PALB2: variants seen among roughly 807,000 people sequenced by gnomAD.
The protein encoded by PALB2 is mutant partner and localizer of BRCA2.
Under a neutral mutation model 107.4 loss-of-function variants are expected in PALB2, and 82 were observed. The ratio of observed to expected loss-of-function variants is 0.76; its 90% CI spans 0.64 to 0.92. The LOEUF (loss-of-function observed/expected upper bound fraction) is 0.92, where lower values mean the gene tolerates loss of function less well. Among genes scored for constraint, PALB2 ranks in the 40% least tolerant of loss-of-function variants. PALB2 has a pLI of 0.00. For synonymous variants in PALB2, 489 were observed against 496.8 expected (o/e 0.98, Z 0.21); for missense variants, 1,374 against 1,379.9 (o/e 1.00, Z 0.07).
chr16:23,625,863 C>G (rs1175117531), intron 7 of PALB2, among the ~76,000 whole-genome samples: 1 of 151,692 alleles, frequency 6.6e-6, no homozygotes, highest in African/African-American at 2.4e-5. Context: ...TGCCTGTGGT[C>G]CCAGCTACTT....
At chr16:23,619,791 T>A (rs1026881510) in intron 10 of PALB2, among the ~76,000 whole-genome samples, 14 of 152,014 alleles carry the variant, frequency 9.2e-5, no homozygotes, top group East Asian at 3.9e-4. Flanking sequence ...AATTATTATT[T>A]TTTTTTGAGA....
At chr16:23,623,793 A>G (rs533128370) in intron 8 of PALB2, 90 of 530,180 alleles carry the variant, frequency 1.7e-4, no homozygotes, top group Non-Finnish European at 2.9e-4. Flanking sequence ...TGCTGGGATT[A>G]CAGGCGTGAG....
intron 1 of PALB2, chr16:23,638,483 C>T (rs1967122011): frequency 4.3e-6 from 2 of 462,476 alleles, no homozygotes; most frequent in Admixed American, 4.9e-5. Flanking sequence ...ACTATGTTCT[C>T]TGTTTCTCCC....
rs587780817 is a variant in PALB2, at chr16:23,635,358, G to C, written c.1188C>G (p.Cys396Trp). The C allele has an allele frequency of 6.2e-7, 1 of 1,613,970 alleles. No individual in the cohort carries two copies. Among genetic ancestry groups the C allele is most frequent in the Non-Finnish European group, 8.5e-7 (1 of 1,180,022 alleles). ...TSPLSAEKHS[C>W]TVPEGLLFPA... ...GAAACAGAAGGCCTTCAGGCACTGT[G>C]CAAGAATGTTTTTCTGCAGAAAGAG... Residue 396 changes from cysteine (C) to tryptophan (W), a missense_variant, in exon 4 of 13, where the codon TGC becomes TGG. By Grantham distance (215) the Cys-to-Trp change is radical. Transcript: ENST00000261584.
intron 10 of PALB2, among the ~76,000 whole-genome samples, 194 bp from the exon 11 acceptor site, chr16:23,614,285 G>A (rs1187547795): frequency 6.6e-6 from 1 of 152,146 alleles, no homozygotes; most frequent in Admixed American, 6.5e-5. Flanking sequence ...TCATTTGATA[G>A]TTCAGCCTTA....
chr16:23,608,801 T>TATATATACACACACACACACACAC (rs560756242), intron 11 of PALB2, among the ~76,000 whole-genome samples: 7 of 143,760 alleles, frequency 4.9e-5, no homozygotes, highest in African/African-American at 1.1e-4. Context: ...TGTATATATA[T>TATATATACACACACACACACACAC]ACACACACAC....
chr16:23,626,496 T>C (rs953594336), intron 6 of PALB2, 99 bp from the exon 7 acceptor site: 116 of 1,429,392 alleles, frequency 8.1e-5, no homozygotes, highest in Non-Finnish European at 1.1e-4. Flanking sequence ...AATGAAACAG[T>C]AGGTATGTAA....
intron 10 of PALB2, among the ~76,000 whole-genome samples, chr16:23,614,743 C>T (rs1161042193): frequency 6.8e-6 from 1 of 147,334 alleles, no homozygotes; most frequent in Non-Finnish European, 1.5e-5. Context: ...CTCCGCCTCC[C>T]GGGTTCACGC....
At chr16:23,623,663 G>A (rs927050739) in intron 8 of PALB2, among the ~76,000 whole-genome samples, 2 of 151,450 alleles carry the variant, frequency 1.3e-5, no homozygotes, top group African/African-American at 2.4e-5. Flanking sequence ...ATAGGCACCC[G>A]CAGGTGCTAT....
chr16:23,618,119 C>G (rs1284241269), intron 10 of PALB2, among the ~76,000 whole-genome samples: 2 of 151,928 alleles, frequency 1.3e-5, no homozygotes, highest in African/African-American at 4.8e-5. Context: ...AGTAACATAC[C>G]AAGTTCTCAT....
At chr16:23,615,705 C>A (rs1250268410) in intron 10 of PALB2, among the ~76,000 whole-genome samples, 1 of 151,878 alleles carries the variant, frequency 6.6e-6, no homozygotes, top group Non-Finnish European at 1.5e-5. Context: ...GTTCTTGTTG[C>A]CTAGGCTGGA....
At chr16:23,614,349 G>C (rs373709935) in intron 10 of PALB2, among the ~76,000 whole-genome samples, 4 of 152,274 alleles carry the variant, frequency 2.6e-5, no homozygotes, top group Non-Finnish European at 4.4e-5. Context: ...CATGAGGAAG[G>C]TTCCATCATC....
chr16:23,634,647 A>T lies in PALB2; in HGVS notation c.1684+215T>A, dbSNP rs556029474. Reference sequence around the variant, plus strand: ...AGCCCCTGTCTCTTTATTTTTATTTATTTATTTATTTATTTATTTATTTAT... The same window carrying T: ...AGCCCCTGTCTCTTTATTTTTATTTTTTTATTTATTTATTTATTTATTTAT... On this transcript the variant is annotated intron_variant, in intron 4 of 12. Transcript: ENST00000261584. Among the ~76,000 whole-genome samples, 14 of 98,420 alleles carry T rather than the reference A, an allele frequency of 1.4e-4. No homozygotes were observed. The South Asian group carries it at 4.7e-3, about 33-fold the overall frequency. 64.6% of individuals were successfully genotyped at this position (98,420 alleles called of 152,430 possible). A position where few individuals can be genotyped will look rare whatever the true frequency, so the allele number is the denominator to read the frequency against.
rs199757736 is a variant in PALB2 at position 23,623,157 on chromosome 16, G to A, written c.2835-27C>T. The A allele has an allele frequency of 3.5e-4, 561 of 1,599,576 alleles. 3 individuals carry two copies. In the East Asian group the frequency reaches 4.5e-3, roughly 13 times the overall value. ...TAAGCCAAATATAAGGAAAAATGGG[G>A]TGATGTGAGGAGTAACCTTTTAATA... On this transcript the variant is annotated intron_variant, in intron 8 of 12. Coordinates refer to ENST00000261584, the MANE Select transcript of PALB2 (RefSeq NM_024675.4).
chr16:23,634,821 T>C (rs1206396015), intron 4 of PALB2, 41 bp downstream of exon 4: 1 of 1,560,036 alleles, frequency 6.4e-7, no homozygotes, highest in South Asian at 1.2e-5. Context: ...TTGTTAACTT[T>C]CATCATCATC....
chr16:23,626,398 CTGACACAA>C lies in PALB2; in HGVS notation c.2587-9_2587-2del. On this transcript the variant is annotated splice_acceptor_variant and splice_polypyrimidine_tract_variant and intron_variant, in intron 6 of 12. Transcript: ENST00000261584. LOFTEE classifies it high-confidence loss of function. ...CTACGGAACAGGAACCTGAAGGATT[CTGACACAA>C]TGGCAACAGTTCTGTTAAAGTGGCA... The C allele has an allele frequency of 6.2e-7, 1 of 1,614,154 alleles. No individual in the cohort carries two copies. Among genetic ancestry groups the C allele is most frequent in the Non-Finnish European group, 8.5e-7 (1 of 1,180,022 alleles).
intron 10 of PALB2, among the ~76,000 whole-genome samples, chr16:23,619,065 C>CA (rs1296940424): frequency 7.3e-6 from 1 of 136,654 alleles, no homozygotes; most frequent in Non-Finnish European, 1.7e-5. Flanking sequence ...AAAAAGAAAA[C>CA]AAAAAAAGGT....
rs2142434773 is a variant in PALB2 at position 23,635,770 on chromosome 16, C to T, written c.776G>A (p.Ser259Asn). The T allele has an allele frequency of 6.2e-7, 1 of 1,614,132 alleles. No homozygotes were observed. Among genetic ancestry groups the T allele is most frequent in the Non-Finnish European group, 8.5e-7 (1 of 1,180,006 alleles). The change falls in exon 4 of 13, where the codon AGT (serine) becomes AAT (asparagine). Residue 259 changes from serine to asparagine, a missense_variant. By Grantham distance (46) the Ser-to-Asn change is conservative (BLOSUM62 1). Coordinates refer to ENST00000261584, the MANE Select transcript of PALB2 (RefSeq NM_024675.4). ...PLQTLSDSGS[S>N]QHLEHIPPKG... ...AGGAGGAATGTGTTCAAGGTGCTGA[C>T]TACTACCGCTATCTGATAGAGTCTG...
chr16:23,638,131 T>A lies in PALB2; in HGVS notation c.49-2A>T, dbSNP rs786203245. 1 of 1,613,414 alleles carries A rather than the reference T, an allele frequency of 6.2e-7. No individual in the cohort carries two copies. The highest frequency in any genetic ancestry group is 8.5e-7 in the Non-Finnish European group (1 of 1,179,372). ...CAAGAATGCTAATTTCTCCTTTAAC[T>A]GGAAGAAGAAAAACACCAACAATAC... On this transcript the variant is annotated splice_acceptor_variant, in intron 1 of 12. Coordinates refer to ENST00000261584, the MANE Select transcript of PALB2 (RefSeq NM_024675.4). LOFTEE classifies it high-confidence loss of function.
Sources: gnomAD v4.1 joint callset for allele counts (sites outside exome capture counted in the v4.1 genomes callset) on GRCh38, gnomAD v4.1.1 for gene constraint, MANE v1.5 for transcripts, NCBI Gene and HGNC (gene_info 2026-07-23, HGNC 2026-07-21) for gene names.